The following NEDD4L variants were observed in gnomAD, a reference collection of about 807,000 sequenced individuals.
NEDD4L encodes the protein NEDD4 like E3 ubiquitin protein ligase, also known as E3 ubiquitin-protein ligase NEDD4-like.
In NEDD4L, 54 loss-of-function variants were observed where a neutral mutation model predicts 148.9. That is an observed-to-expected ratio of 0.36 (90% CI 0.29 to 0.45). The LOEUF is 0.45. NEDD4L is among the 20% of genes least tolerant of loss of function. NEDD4L has a pLI of 1.00. For synonymous variants in NEDD4L, 433 were observed against 440.7 expected, an observed-to-expected ratio of 0.98 and a Z score of 0.22; for missense variants, 856 against 1,233.8, an observed-to-expected ratio of 0.69 and a Z score of 4.59.
chr18:58,364,442 A>G, intron 20 of NEDD4L, 109 bp downstream of exon 20: 1 of 660,284 alleles, frequency 1.5e-6, no homozygotes, highest in South Asian at 2.0e-5. Context: ...TGCTAAAAAT[A>G]TTACCTTCCT....
At chr18:58,060,298 TTTC>T (rs1177950924) in intron 1 of NEDD4L, among the ~76,000 whole-genome samples, 1 of 152,146 alleles carries the variant, frequency 6.6e-6, no homozygotes, top group Non-Finnish European at 1.5e-5. Flanking sequence ...GATCTGGGCT[TTTC>T]TTATTAGTAA....
intron 1 of NEDD4L, among the ~76,000 whole-genome samples, chr18:58,163,864 T>C (rs4940651): frequency 0.49 from 74,092 of 151,934 alleles, 18,334 homozygotes; most frequent in Admixed American, 0.56. Flanking sequence ...CACCATCCTG[T>C]ACCCTCCATG....
At chr18:58,165,563 G>A (rs1368773633) in intron 1 of NEDD4L, 1 of 735,678 alleles carries the variant, frequency 1.4e-6, no homozygotes, top group Non-Finnish European at 1.7e-6. Flanking sequence ...AATTAAACTT[G>A]TGCTTAATTA....
At chr18:58,060,875 C>T (rs1049573861) in intron 1 of NEDD4L, among the ~76,000 whole-genome samples, 1 of 152,134 alleles carries the variant, frequency 6.6e-6, no homozygotes, top group Non-Finnish European at 1.5e-5. Flanking sequence ...TCTCCTGCCT[C>T]AGCCTCACGA....
At chr18:58,076,997 C>T (rs565417251) in intron 1 of NEDD4L, among the ~76,000 whole-genome samples, 9 of 151,266 alleles carry the variant, frequency 5.9e-5, no homozygotes, top group East Asian at 5.8e-4. Context: ...ACTACAGGTG[C>T]GCGCCACTAT....
chr18:58,144,463 T>C (rs2033894065), intron 1 of NEDD4L, among the ~76,000 whole-genome samples: 1 of 151,906 alleles, frequency 6.6e-6, no homozygotes, highest in Non-Finnish European at 1.5e-5. Context: ...ACCCAAACAC[T>C]TCCCACCAAG....
intron 22 of NEDD4L, among the ~76,000 whole-genome samples, chr18:58,369,634 C>T (rs2046575730): frequency 6.6e-6 from 1 of 152,172 alleles, no homozygotes; most frequent in Non-Finnish European, 1.5e-5. Flanking sequence ...AGGGTGGGTG[C>T]CTGGTGGGGG....
At chr18:58,395,128 T>C (rs939621594) in intron 30 of NEDD4L, among the ~76,000 whole-genome samples, 1 of 152,160 alleles carries the variant, frequency 6.6e-6, no homozygotes, top group Non-Finnish European at 1.5e-5. Flanking sequence ...ACAAGGCTGA[T>C]GGGGCATGGT....
chr18:58,090,087 C>T (rs775250995), intron 1 of NEDD4L, among the ~76,000 whole-genome samples: 40 of 152,156 alleles, frequency 2.6e-4, no homozygotes, highest in Non-Finnish European at 5.3e-4. Context: ...ATCTGCTCAC[C>T]TCGTCCTCCC....
At chr18:58,275,472 C>A (rs750491453) in intron 5 of NEDD4L, among the ~76,000 whole-genome samples, 3 of 152,028 alleles carry the variant, frequency 2.0e-5, no homozygotes, top group East Asian at 1.9e-4. Flanking sequence ...CTTACTAGAC[C>A]AAAAAAGAAA....
At chr18:58,159,599 G>A (rs965058011) in intron 1 of NEDD4L, among the ~76,000 whole-genome samples, 2 of 152,178 alleles carry the variant, frequency 1.3e-5, no homozygotes, top group Admixed American at 1.3e-4. Context: ...TCAGGACTGG[G>A]GCAAGAGCAG....
At chr18:58,298,734 A>G (rs554664614) in intron 5 of NEDD4L, among the ~76,000 whole-genome samples, 3 of 152,328 alleles carry the variant, frequency 2.0e-5, no homozygotes, top group Admixed American at 2.0e-4. Context: ...GATGACAAAC[A>G]TTTCTGGGGA....
intron 2 of NEDD4L, among the ~76,000 whole-genome samples, chr18:58,191,121 TATA>T (rs965504825): frequency 6.6e-6 from 1 of 152,096 alleles, no homozygotes; most frequent in African/African-American, 2.4e-5. Context: ...TCTCTAAAAG[TATA>T]ATATTTTAAG....
chr18:58,384,820 C>T (rs1026261589), intron 25 of NEDD4L, among the ~76,000 whole-genome samples: 2 of 152,174 alleles, frequency 1.3e-5, no homozygotes, highest in African/African-American at 2.4e-5. Context: ...TGTACCACCC[C>T]GAAGGTGAGA....
chr18:58,185,524 A>T (rs1197147240), intron 2 of NEDD4L, among the ~76,000 whole-genome samples: 1 of 152,216 alleles, frequency 6.6e-6, no homozygotes, highest in Non-Finnish European at 1.5e-5. Context: ...TTAAACTATC[A>T]TTGGAGGGCA....
chr18:58,107,760 A>G (rs1223835864), intron 1 of NEDD4L, among the ~76,000 whole-genome samples: 1 of 151,320 alleles, frequency 6.6e-6, no homozygotes, highest in Non-Finnish European at 1.5e-5. Flanking sequence ...TCAGTCGTGG[A>G]CAAAGAGGAA....
intron 2 of NEDD4L, among the ~76,000 whole-genome samples, chr18:58,169,316 C>CA (rs994705071): frequency 6.6e-6 from 1 of 152,202 alleles, no homozygotes; most frequent in African/African-American, 2.4e-5. Flanking sequence ...ACAGCAATGG[C>CA]AGAGAAAGAT....
intron 1 of NEDD4L, among the ~76,000 whole-genome samples, chr18:58,086,132 C>T (rs1353531232): frequency 6.6e-6 from 1 of 152,198 alleles, no homozygotes; most frequent in South Asian, 2.1e-4. Flanking sequence ...ACATTTGACT[C>T]TGACTCCATT....
intron 2 of NEDD4L, among the ~76,000 whole-genome samples, chr18:58,198,380 G>C (rs1278352910): frequency 6.6e-6 from 1 of 152,218 alleles, no homozygotes; most frequent in African/African-American, 2.4e-5. Flanking sequence ...AAGAAGCTGG[G>C]GACATCAGCC....
Sources: allele counts gnomAD v4.1 joint callset (sites outside exome capture counted in the v4.1 genomes callset), GRCh38; gene constraint gnomAD v4.1.1; transcripts MANE v1.5; gene names NCBI Gene and HGNC (gene_info 2026-07-23, HGNC 2026-07-21).